ARL9: variants seen among roughly 807,000 people sequenced by gnomAD.
ARL9 encodes ARF like GTPase 9.
ARL9 carries 14 observed loss-of-function variants against 27.0 expected under a neutral mutation model. That is an observed-to-expected ratio of 0.52 (90% CI 0.34 to 0.81). The LOEUF (loss-of-function observed/expected upper bound fraction) is 0.81. ARL9 is among the 30% of genes least tolerant of loss of function. The pLI is 0.01. For missense variants in ARL9, 294 were observed against 290.0 expected (o/e 1.01, Z -0.10); for synonymous variants, 106 against 108.7 (o/e 0.98, Z 0.15).
Position 56,518,871 on chromosome 4 carries a change from T to C in ARL9, c.618+18T>C. The C allele has an allele frequency of 6.2e-7, 1 of 1,607,402 alleles. No individual in the cohort carries two copies. Among genetic ancestry groups the C allele is most frequent in the Non-Finnish European group, 8.5e-7 (1 of 1,175,884 alleles). On this transcript the variant is annotated intron_variant, in intron 3 of 3. Coordinates refer to ENST00000640821, the MANE Select transcript of ARL9 (RefSeq NM_001363794.2). ...ACAAACAGGTAAAAATCTGTGCAAA[T>C]ATAAATTGTACTCAAGAGTTTTGTA... is the stretch of plus-strand genomic sequence containing the variant.
At position 56,505,981 on chromosome 4, in the gene ARL9, A is replaced by T; in HGVS notation, c.119A>T (p.Gln40Leu). Residue 40 changes from glutamine (Q) to leucine (L), a missense_variant, in exon 1 of 4, where the codon CAA becomes CTA. By Grantham distance (113) the Gln-to-Leu change is moderately radical. Transcript: ENST00000640821. ...AAGGAGGTGGAGCAGAAAATTAAAC[A>T]AAAGCAAGAGAAGCAGGAGAGGAGA... is the stretch of plus-strand genomic sequence containing the variant. ...KRKEVEQKIKQKQEKQERRKG... is the reference protein window; with the variant it reads ...KRKEVEQKIKLKQEKQERRKG... 1 of 1,154,702 alleles carries T rather than the reference A, an allele frequency of 8.7e-7. No homozygotes were observed. The highest frequency in any genetic ancestry group is 4.5e-5 in the South Asian group (1 of 22,118). The allele number at this position is 1,154,702 out of a possible 1,614,324, so 71.5% of individuals were successfully genotyped here. A position where few individuals can be genotyped will look rare whatever the true frequency, so the allele number is the denominator to read the frequency against.
intron 1 of ARL9, among the ~76,000 whole-genome samples, chr4:56,506,902 GC>G (rs899730705): frequency 6.7e-6 from 1 of 149,698 alleles, no homozygotes; most frequent in African/African-American, 2.5e-5. Flanking sequence ...GCCTGGCACC[GC>G]CCCCATCTCC....
chr4:56,514,115 G>A (rs1051195605), intron 2 of ARL9, among the ~76,000 whole-genome samples: 1 of 152,184 alleles, frequency 6.6e-6, no homozygotes, highest in Non-Finnish European at 1.5e-5. Context: ...AAGTTGCAGT[G>A]AGCCATGATC....
At chr4:56,507,362 T>C (rs190643351) in intron 1 of ARL9, among the ~76,000 whole-genome samples, 120 of 151,792 alleles carry the variant, frequency 7.9e-4, no homozygotes, top group Admixed American at 2.0e-3. Flanking sequence ...TCGCCCAGGC[T>C]TGAGTACAGT....
At chr4:56,514,247 A>C (rs896320728) in intron 2 of ARL9, among the ~76,000 whole-genome samples, 4 of 152,218 alleles carry the variant, frequency 2.6e-5, no homozygotes, top group Non-Finnish European at 5.9e-5. Flanking sequence ...TATAGCTGAA[A>C]GGAAAATAGC....
At chr4:56,516,143 C>T (rs1056416265) in intron 2 of ARL9, among the ~76,000 whole-genome samples, 1 of 152,106 alleles carries the variant, frequency 6.6e-6, no homozygotes, top group African/African-American at 2.4e-5. Flanking sequence ...GGAAACTATT[C>T]AATAAATGGT....
At chr4:56,516,655 G>A (rs1407873836) in intron 2 of ARL9, among the ~76,000 whole-genome samples, 5 of 152,114 alleles carry the variant, frequency 3.3e-5, no homozygotes, top group African/African-American at 4.8e-5. Flanking sequence ...ATGCAGCTGG[G>A]TGCAGTGGCT....
rs577371326 is a variant in ARL9, at chr4:56,523,955, A to C, written c.*79A>C. On this transcript the variant is annotated 3_prime_UTR_variant, in exon 4 of 4. Transcript: ENST00000640821. ...GGCAGGCTTGAAGCCAAAGGTTTCC[A>C]CCTCAAATAAAAATTAAGCCATTTC... 2.3e-5 allele frequency: 32 copies of C among 1,370,206 alleles called. No individual in the cohort carries two copies. The highest frequency in any genetic ancestry group is 3.0e-5 in the Non-Finnish European group (31 of 1,018,872). 84.9% of individuals were successfully genotyped at this position (1,370,206 alleles called of 1,614,324 possible). A position where few individuals can be genotyped will look rare whatever the true frequency, so the allele number is the denominator to read the frequency against.
intron 1 of ARL9, among the ~76,000 whole-genome samples, chr4:56,510,258 G>A (rs1721597774): frequency 6.6e-6 from 1 of 150,882 alleles, no homozygotes; most frequent in South Asian, 2.1e-4. Flanking sequence ...GGGAGGCTGA[G>A]GCAGGAGAAT....
chr4:56,505,713 G>A, upstream of ARL9: 1 of 1,318,378 alleles, frequency 7.6e-7, no homozygotes, highest in East Asian at 2.7e-5. Flanking sequence ...GGTTGGCGGC[G>A]GTGCCGGGGT....
chr4:56,521,993 C>CTTTTT (rs111319999), intron 3 of ARL9, among the ~76,000 whole-genome samples: 1 of 143,654 alleles, frequency 7.0e-6, no homozygotes. Flanking sequence ...CTTTTCTTTT[C>CTTTTT]TTTTTTTTTT....
intron 2 of ARL9, among the ~76,000 whole-genome samples, chr4:56,512,157 A>G (rs1249965098): frequency 6.6e-6 from 1 of 152,150 alleles, no homozygotes; most frequent in Admixed American, 6.5e-5. Context: ...TACTGCCCCT[A>G]TGCAAGTCGG....
At chr4:56,509,523 CTTCAAG>C (rs1199152322) in intron 1 of ARL9, among the ~76,000 whole-genome samples, 11 of 151,476 alleles carry the variant, frequency 7.3e-5, no homozygotes, top group African/African-American at 1.9e-4. Context: ...TCTAAGTTTA[CTTCAAG>C]TTCATCAGTT....
chr4:56,517,934 T>C (rs1370069327), intron 2 of ARL9, among the ~76,000 whole-genome samples: 1 of 152,238 alleles, frequency 6.6e-6, no homozygotes, highest in African/African-American at 2.4e-5. Flanking sequence ...AAAAATTATT[T>C]TAATGTGTAT....
chr4:56,518,560 T>C, intron 2 of ARL9, 118 bp from the exon 3 acceptor site: 1 of 860,690 alleles, frequency 1.2e-6, no homozygotes, highest in Non-Finnish European at 1.9e-6. Flanking sequence ...AACACGGTGA[T>C]ATTTTATCAA....
chr4:56,518,853 G>T lies in ARL9; in HGVS notation c.618G>T (p.Gln206His). ...VLPLVVFANK[Q>H]DLEAAYHITD... ...CTCTGGTTGTGTTTGCAAACAAACA[G>T]GTAAAAATCTGTGCAAATATAAATT... The change falls in exon 3 of 4, where the codon CAG (glutamine) becomes CAT (histidine). Residue 206 changes from glutamine to histidine, a missense_variant and splice_region_variant. By Grantham distance (24) the Gln-to-His change is conservative. Coordinates refer to ENST00000640821, the MANE Select transcript of ARL9 (RefSeq NM_001363794.2). 6.2e-7 allele frequency: 1 copy of T among 1,612,304 alleles called. No individual in the cohort carries two copies. Among genetic ancestry groups the T allele is most frequent in the African/African-American group, 1.3e-5 (1 of 74,984 alleles).
chr4:56,514,713 T>C (rs1465126523), intron 2 of ARL9, among the ~76,000 whole-genome samples: 2 of 152,070 alleles, frequency 1.3e-5, no homozygotes, highest in African/African-American at 4.8e-5. Context: ...CCAGATCAGT[T>C]TGTTTATAGG....
rs991029411 is a variant in ARL9 at position 56,508,628 on chromosome 4, C to G, written c.279+2487C>G. The stretch of plus-strand genomic sequence containing the variant: ...CTCGAACTCCTGACCTCAGGTGATC[C>G]GCCCTCCTTGGCCTCCCAAAGTGCT... On this transcript the variant is annotated intron_variant, in intron 1 of 3. Transcript: ENST00000640821. Among the ~76,000 whole-genome samples, 6 of 152,140 alleles carry G rather than the reference C, an allele frequency of 3.9e-5. No individual in the cohort carries two copies. In the East Asian group the frequency reaches 9.6e-4, roughly 24 times the overall value.
At chr4:56,523,263 C>A (rs112714168) in intron 3 of ARL9, among the ~76,000 whole-genome samples, 7,178 of 152,156 alleles carry the variant, frequency 0.047, 287 homozygotes, top group East Asian at 0.19. Context: ...GTGGCACACA[C>A]CTGTAGTCCC....
Sources: gnomAD v4.1 joint callset for allele counts (sites outside exome capture counted in the v4.1 genomes callset) on GRCh38, gnomAD v4.1.1 for gene constraint, MANE v1.5 for transcripts, NCBI Gene and HGNC (gene_info 2026-07-23, HGNC 2026-07-21) for gene names.